The following RPS29 variants were observed in gnomAD, a reference collection of about 807,000 sequenced individuals.
RPS29 encodes ribosomal protein S29, also known as small ribosomal subunit protein uS14.
For missense variants in RPS29, 60 were observed against 75.7 expected, an observed-to-expected ratio of 0.79 and a Z score of 0.77; for synonymous variants, 37 against 26.9, an observed-to-expected ratio of 1.37 and a Z score of -1.16.
At chr14:49,586,202 G>C (rs1297470528) in intron 1 of RPS29, 83 bp downstream of exon 1, 1 of 1,471,768 alleles carries the variant, frequency 6.8e-7, no homozygotes, top group African/African-American at 1.4e-5. Flanking sequence ...CCCTCGTGCC[G>C]CCCGTGGCCT....
chr14:49,586,426 C>G, upstream of RPS29: 2 of 1,299,696 alleles, frequency 1.5e-6, no homozygotes, highest in Middle Eastern at 3.7e-4. Flanking sequence ...GACAGTTTAC[C>G]CAGAATGCAG....
chr14:49,586,462 G>T, upstream of RPS29: 1 of 915,244 alleles, frequency 1.1e-6, no homozygotes, highest in Non-Finnish European at 1.8e-6. Context: ...CGTGCGCAGT[G>T]TGGTCAGGTT....
chr14:49,583,641 CG>C lies in RPS29; in HGVS notation c.*25del, dbSNP rs1594571123. 2 of 1,577,886 alleles carry C rather than the reference CG, an allele frequency of 1.3e-6. No homozygotes were observed. The highest frequency in any genetic ancestry group is 1.7e-6 in the Non-Finnish European group (2 of 1,163,538). ...ATGGTTTTTCATTGAGTAGATGCCC[CG>C]GATAATCCTCTGAAGGAAGAGCATT... On this transcript the variant is annotated 3_prime_UTR_variant, in exon 3 of 3. Transcript: ENST00000245458.
chr14:49,588,504 A>C (rs1048992954), upstream of RPS29, among the ~76,000 whole-genome samples: 5 of 151,514 alleles, frequency 3.3e-5, no homozygotes, highest in East Asian at 7.7e-4. Flanking sequence ...GGTGTTTATC[A>C]AGAGCTTTTA....
chr14:49,591,730 C>T (rs1489837521), intron 1 of RPS29, among the ~76,000 whole-genome samples: 2 of 150,992 alleles, frequency 1.3e-5, no homozygotes, highest in African/African-American at 4.9e-5. Context: ...AAACGATTCA[C>T]CTACCTCAGC....
exon 3 of RPS29, chr14:49,573,466 CA>C (rs538991068): frequency 0.011 from 518 of 47,780 alleles, no homozygotes; most frequent in Middle Eastern, 0.014. Context: ...GAGTTAGAAT[CA>C]AAAAAAAAAA....
exon 3 of RPS29, chr14:49,577,118 GTAATCCCAGCC>G (rs1881204145): frequency 6.6e-6 from 1 of 152,640 alleles, no homozygotes; most frequent in Non-Finnish European, 1.5e-5. Flanking sequence ...GTGGGCACCT[GTAATCCCAGCC>G]ACTTGGGAGG....
intron 2 of RPS29, 74 bp from the exon 3 acceptor site, chr14:49,583,749 C>T: frequency 2.1e-6 from 2 of 945,392 alleles, no homozygotes; most frequent in Middle Eastern, 2.3e-4. Flanking sequence ...AAAAAAGGCT[C>T]ATTATAGAAT....
chr14:49,587,088 CTTTTA>C (rs1326750354), upstream of RPS29, among the ~76,000 whole-genome samples: 1 of 152,008 alleles, frequency 6.6e-6, no homozygotes, highest in Non-Finnish European at 1.5e-5. Context: ...GTAGGGTTTG[CTTTTA>C]TTTTGTTAAA....
At chr14:49,582,012 CAAAAA>C (rs58507206), downstream of RPS29, among the ~76,000 whole-genome samples, 425 of 106,506 alleles carry the variant, frequency 4.0e-3, 8 homozygotes, top group African/African-American at 0.014. Context: ...CCCTGCCCCC[CAAAAA>C]AAAAAAAAAA....
downstream of RPS29, among the ~76,000 whole-genome samples, chr14:49,583,277 G>A (rs148900251): frequency 6.6e-6 from 1 of 152,322 alleles, no homozygotes; most frequent in Admixed American, 6.5e-5. Flanking sequence ...CTTGCCGGGT[G>A]CGGTGGCTCA....
chr14:49,592,002 G>A (rs1881723667), intron 1 of RPS29, among the ~76,000 whole-genome samples: 1 of 152,192 alleles, frequency 6.6e-6, no homozygotes, highest in South Asian at 2.1e-4. Context: ...ATGTTTATAA[G>A]CCAGACATAT....
upstream of RPS29, chr14:49,586,854 GGCAACATA>G (rs1881593621): frequency 6.1e-6 from 1 of 163,540 alleles, no homozygotes; most frequent in Admixed American, 5.7e-5. Context: ...CTCCAGCCTG[GGCAACATA>G]GCGAGACCCC....
chr14:49,595,478 G>A (rs781059489), intron 1 of RPS29, among the ~76,000 whole-genome samples: 16 of 152,196 alleles, frequency 1.1e-4, no homozygotes, highest in Middle Eastern at 3.4e-3. Context: ...ATGGTGGCAC[G>A]CACCTGTAGT....
At chr14:49,571,196 G>C (rs1302140576) in exon 3 of RPS29, 2 of 152,148 alleles carry the variant, frequency 1.3e-5, no homozygotes, top group Non-Finnish European at 2.9e-5. Flanking sequence ...ATAATCCCCA[G>C]AAAAGGTGAA....
At chr14:49,591,770 A>G (rs1050114892) in intron 1 of RPS29, among the ~76,000 whole-genome samples, 2 of 151,318 alleles carry the variant, frequency 1.3e-5, no homozygotes, top group African/African-American at 4.9e-5. Context: ...ACAGGCGCCC[A>G]CCACCATGGC....
exon 3 of RPS29, chr14:49,577,758 T>C (rs1422481489): frequency 3.6e-6 from 5 of 1,398,178 alleles, no homozygotes; most frequent in Non-Finnish European, 4.1e-6. Context: ...CTCTTTTTGA[T>C]GATCTTGGGC....
chr14:49,595,968 G>A (rs1005685578), intron 1 of RPS29, among the ~76,000 whole-genome samples: 1 of 147,352 alleles, frequency 6.8e-6, no homozygotes, highest in Middle Eastern at 3.6e-3. Context: ...AGGCGAGATC[G>A]TGCCACTGCA....
chr14:49,598,489 G>C (rs1244635976), exon 1 of RPS29: 4 of 702,252 alleles, frequency 5.7e-6, no homozygotes, highest in Non-Finnish European at 1.0e-5. Flanking sequence ...TGTGCCTCCG[G>C]AGAGCAGCCA....
Sources: gnomAD v4.1 joint callset for allele counts (sites outside exome capture counted in the v4.1 genomes callset) on GRCh38, gnomAD v4.1.1 for gene constraint, MANE v1.5 for transcripts, NCBI Gene and HGNC (gene_info 2026-07-23, HGNC 2026-07-21) for gene names.